WARS2: variants seen among roughly 807,000 people sequenced by gnomAD.
The protein encoded by WARS2 is tryptophan--tRNA ligase, mitochondrial.
WARS2 carries 28 observed loss-of-function variants against 36.5 expected under a neutral mutation model. That is an observed-to-expected ratio of 0.77 (90% confidence interval 0.57 to 1.05). WARS2 has a LOEUF of 1.05. Among genes scored for constraint, WARS2 ranks in the 50% least tolerant of loss-of-function variants. WARS2 has a pLI of 0.00. For synonymous variants in WARS2, 174 were observed against 178.4 expected, an observed-to-expected ratio of 0.98 and a Z score of 0.20; for missense variants, 435 against 456.8, an observed-to-expected ratio of 0.95 and a Z score of 0.44.
At position 119,102,053 on chromosome 1, in the gene WARS2, G is replaced by A. The variant is rs1000243779; in HGVS notation, c.91-25446C>T. Among the ~76,000 whole-genome samples the A allele has an allele frequency of 2.0e-5, 3 of 149,748 alleles. No individual in the cohort carries two copies. The South Asian group carries it at 6.5e-4, about 32-fold the overall frequency. ...TTCACCCAGGCCCTTGTTGGAAGCG[G>A]TGGTGGCGGTGGGGGTTGGGGGGGT... On this transcript the variant is annotated intron_variant, in intron 1 of 5. Coordinates refer to ENST00000235521, the MANE Select transcript of WARS2 (RefSeq NM_015836.4).
chr1:119,134,319 C>CAAAAAAAAAAAAAAAAAAAAA (rs761321480), intron 1 of WARS2, among the ~76,000 whole-genome samples: 42 of 65,854 alleles, frequency 6.4e-4, no homozygotes, highest in African/African-American at 1.1e-3. Flanking sequence ...GGCAAAGGGG[C>CAAAAAAAAAAAAAAAAAAAAA]AAAAAAAAAA....
chr1:119,097,078 G>T (rs910950532), intron 1 of WARS2, among the ~76,000 whole-genome samples: 1 of 152,176 alleles, frequency 6.6e-6, no homozygotes, highest in South Asian at 2.1e-4. Flanking sequence ...GTAAAGGACA[G>T]TGAGAAATGT....
intron 1 of WARS2, among the ~76,000 whole-genome samples, chr1:119,080,421 T>C (rs895108626): frequency 6.6e-6 from 1 of 152,136 alleles, no homozygotes; most frequent in African/African-American, 2.4e-5. Flanking sequence ...TTGTGACCAG[T>C]GGGAATGGGC....
At chr1:119,041,458 A>C (rs1217733729) in intron 4 of WARS2, among the ~76,000 whole-genome samples, 1 of 152,246 alleles carries the variant, frequency 6.6e-6, no homozygotes, top group East Asian at 1.9e-4. Context: ...TGGCAGCAGT[A>C]GCTGACTGGA....
intron 1 of WARS2, among the ~76,000 whole-genome samples, chr1:119,116,283 A>G (rs1194000468): frequency 2.0e-5 from 3 of 152,212 alleles, no homozygotes; most frequent in Admixed American, 2.0e-4. Context: ...TTTGAAAGAA[A>G]TAAATACGTT....
intron 1 of WARS2, chr1:119,126,883 G>T: frequency 1.2e-6 from 1 of 806,164 alleles, no homozygotes; most frequent in Non-Finnish European, 2.1e-6. Flanking sequence ...GAGGTCTTCC[G>T]TACCTGATTG....
At chr1:119,079,701 A>C (rs966687851) in intron 1 of WARS2, among the ~76,000 whole-genome samples, 1 of 152,136 alleles carries the variant, frequency 6.6e-6, no homozygotes, top group Non-Finnish European at 1.5e-5. Flanking sequence ...AATATAGTCT[A>C]TTTTCCTCTC....
chr1:119,110,208 C>T (rs897436952), intron 1 of WARS2, among the ~76,000 whole-genome samples: 3 of 151,920 alleles, frequency 2.0e-5, no homozygotes, highest in Non-Finnish European at 4.4e-5. Flanking sequence ...TTTACTTTCA[C>T]TTATTCTTTC....
intron 3 of WARS2, 50 bp downstream of exon 3, chr1:119,045,532 A>G: frequency 4.7e-6 from 7 of 1,494,100 alleles, no homozygotes; most frequent in Non-Finnish European, 6.4e-6. Flanking sequence ...CCTAACAGGA[A>G]GGGAAAAATA....
At chr1:119,054,929 G>A (rs553353251) in intron 2 of WARS2, among the ~76,000 whole-genome samples, 53 of 152,218 alleles carry the variant, frequency 3.5e-4, no homozygotes, top group African/African-American at 9.6e-4. Flanking sequence ...TGTTTAATGG[G>A]TATAGAATTT....
chr1:119,112,412 G>A (rs1316944151), intron 1 of WARS2, among the ~76,000 whole-genome samples: 5 of 152,146 alleles, frequency 3.3e-5, no homozygotes, highest in Non-Finnish European at 5.9e-5. Flanking sequence ...TATGGTGATG[G>A]AAATTACCCA....
rs781457351 is a variant in WARS2 at position 119,033,287 on chromosome 1, G to T, written c.707C>A (p.Ala236Asp). The T allele has an allele frequency of 1.9e-6, 3 of 1,614,100 alleles. No individual in the cohort carries two copies. Among genetic ancestry groups the T allele is most frequent in the Non-Finnish European group, 2.5e-6 (3 of 1,180,048 alleles). Residue 236 changes from alanine to aspartate, a missense_variant, in exon 6 of 6, where the codon GCC becomes GAC. Coordinates refer to ENST00000235521, the MANE Select transcript of WARS2 (RefSeq NM_015836.4). ...TGGGCTGTCTGTTATTCGGACGGTG[G>T]CCAGTTTGTCAGGGTCTGATTTCGA... ...KMSKSDPDKLATVRITDSPEE... is the reference protein window; with the variant it reads ...KMSKSDPDKLDTVRITDSPEE...
intron 1 of WARS2, among the ~76,000 whole-genome samples, chr1:119,138,511 CAAAT>C (rs1271907919): frequency 6.6e-6 from 1 of 152,056 alleles, no homozygotes; most frequent in Non-Finnish European, 1.5e-5. Context: ...TAAAAGGAAA[CAAAT>C]AACTTTTAAC....
At chr1:119,075,283 A>G (rs1651642969) in intron 2 of WARS2, among the ~76,000 whole-genome samples, 1 of 152,198 alleles carries the variant, frequency 6.6e-6, no homozygotes, top group Non-Finnish European at 1.5e-5. Flanking sequence ...TTTATATTGT[A>G]TTAGGTTATT....
intron 2 of WARS2, among the ~76,000 whole-genome samples, chr1:119,046,140 C>T (rs938305432): frequency 6.6e-6 from 1 of 152,042 alleles, no homozygotes; most frequent in African/African-American, 2.4e-5. Context: ...AGGTACTGGA[C>T]TTAACATTAA....
chr1:119,102,478 T>C (rs1008331520), intron 1 of WARS2, among the ~76,000 whole-genome samples: 40 of 152,214 alleles, frequency 2.6e-4, no homozygotes, highest in Non-Finnish European at 8.8e-5. Flanking sequence ...AGATTAACCC[T>C]TTCCCGCAGT....
chr1:119,117,705 C>G (rs1406460919), intron 1 of WARS2, among the ~76,000 whole-genome samples: 4 of 152,198 alleles, frequency 2.6e-5, no homozygotes, highest in African/African-American at 9.6e-5. Context: ...CCTGCCACCT[C>G]TACCAGAGCA....
chr1:119,135,715 C>CAGATAGAT (rs113027169), intron 1 of WARS2, among the ~76,000 whole-genome samples: 8,053 of 146,892 alleles, frequency 0.055, 315 homozygotes, highest in Non-Finnish European at 0.069. Context: ...ATTAGATAGA[C>CAGATAGAT]AGATAGATAG....
chr1:119,123,981 G>A (rs1412124991), intron 1 of WARS2, among the ~76,000 whole-genome samples: 1 of 152,060 alleles, frequency 6.6e-6, no homozygotes, highest in Admixed American at 6.6e-5. Context: ...ATATGTTCAC[G>A]AAGCATCTAA....
Sources: allele counts gnomAD v4.1 joint callset (sites outside exome capture counted in the v4.1 genomes callset), GRCh38; gene constraint gnomAD v4.1.1; transcripts MANE v1.5; gene names NCBI Gene and HGNC (gene_info 2026-07-23, HGNC 2026-07-21).